Variants in GLIS3 observed in about 807,000 individuals in gnomAD.
GLIS3 encodes GLIS family zinc finger 3.
Under a neutral mutation model 78.6 loss-of-function variants are expected in GLIS3, and 53 were observed. The observed-to-expected ratio is 0.67, with a 90% CI of 0.54 to 0.85. GLIS3 has a LOEUF of 0.85. Among genes scored for constraint, GLIS3 ranks in the 40% least tolerant of loss-of-function variants. GLIS3 has a pLI of 0.00. For synonymous variants in GLIS3, 684 were observed against 509.9 expected (o/e 1.34, Z -4.60); for missense variants, 1,703 against 1,231.1 (o/e 1.38, Z -5.74).
At chr9:4,346,467 A>G (rs1363127268) in intron 2 of GLIS3, among the ~76,000 whole-genome samples, 3 of 152,224 alleles carry the variant, frequency 2.0e-5, no homozygotes, top group Non-Finnish European at 4.4e-5. Context: ...TAGGAAGAAT[A>G]AAAAATACAT....
chr9:4,242,539 C>T (rs992109674), intron 2 of GLIS3, among the ~76,000 whole-genome samples: 1 of 152,152 alleles, frequency 6.6e-6, no homozygotes, highest in African/African-American at 2.4e-5. Context: ...ACTATGGAAC[C>T]ACCCTGGCTG....
intron 8 of GLIS3, among the ~76,000 whole-genome samples, chr9:3,859,636 C>G (rs1820042478): frequency 6.6e-6 from 1 of 152,106 alleles, no homozygotes; most frequent in African/African-American, 2.4e-5. Flanking sequence ...TGTCCAAGAG[C>G]CAGAAGAGAC....
intron 6 of GLIS3, chr9:3,901,308 T>C: frequency 6.4e-6 from 1 of 155,866 alleles, no homozygotes; most frequent in South Asian, 1.9e-4. Flanking sequence ...CCAAATTTTC[T>C]ACATTCAAAT....
At chr9:4,188,062 CCT>C (rs1452665527) in intron 2 of GLIS3, among the ~76,000 whole-genome samples, 1 of 151,962 alleles carries the variant, frequency 6.6e-6, no homozygotes, top group African/African-American at 2.4e-5. Flanking sequence ...AGAGGGCATC[CCT>C]GTCTTGTGCC....
intron 4 of GLIS3, among the ~76,000 whole-genome samples, chr9:3,967,518 A>G (rs1187213546): frequency 6.6e-6 from 1 of 152,144 alleles, no homozygotes; most frequent in East Asian, 1.9e-4. Context: ...AAAGAAAAAG[A>G]AAGAAAAGAA....
chr9:4,113,924 C>T (rs1381069704), intron 4 of GLIS3, among the ~76,000 whole-genome samples: 1 of 152,182 alleles, frequency 6.6e-6, no homozygotes, highest in African/African-American at 2.4e-5. Flanking sequence ...GTGACATTTT[C>T]ATGAAAATCC....
chr9:4,144,234 G>C (rs1834034452), intron 2 of GLIS3, among the ~76,000 whole-genome samples: 1 of 152,220 alleles, frequency 6.6e-6, no homozygotes, highest in African/African-American at 2.4e-5. Flanking sequence ...GAGTCCGAAA[G>C]AGATCTGAAA....
At chr9:4,181,264 C>T (rs1817300192) in intron 2 of GLIS3, among the ~76,000 whole-genome samples, 1 of 152,256 alleles carries the variant, frequency 6.6e-6, no homozygotes, top group Non-Finnish European at 1.5e-5. Context: ...CCATGGACAG[C>T]ACTCGCCTCA....
At chr9:4,183,533 T>C (rs1340642182) in intron 2 of GLIS3, among the ~76,000 whole-genome samples, 3 of 152,202 alleles carry the variant, frequency 2.0e-5, no homozygotes, top group Non-Finnish European at 2.9e-5. Context: ...ATGAATTTTT[T>C]TCTGAGCCCT....
chr9:4,358,732 G>A, the GLIS3 span, among the ~76,000 whole-genome samples: 1 of 152,194 alleles, frequency 6.6e-6, no homozygotes, highest in Non-Finnish European at 1.5e-5. Flanking sequence ...GTGCACATAT[G>A]TGTTTATGTG....
chr9:3,846,388 T>G (rs551033843), intron 9 of GLIS3, among the ~76,000 whole-genome samples: 1 of 152,312 alleles, frequency 6.6e-6, no homozygotes, highest in East Asian at 1.9e-4. Context: ...TTGTCTCACC[T>G]GGGAGGTTGC....
intron 9 of GLIS3, among the ~76,000 whole-genome samples, chr9:3,838,952 T>A (rs985101324): frequency 6.6e-5 from 10 of 152,190 alleles, no homozygotes; most frequent in Non-Finnish European, 1.2e-4. Flanking sequence ...CTAGAGGGCA[T>A]AAGAATATAG....
intron 4 of GLIS3, among the ~76,000 whole-genome samples, chr9:4,064,157 G>A (rs989864664): frequency 5.3e-5 from 8 of 152,112 alleles, no homozygotes; most frequent in Admixed American, 1.3e-4. Flanking sequence ...ATGATAGACC[G>A]TATTTAATTA....
At chr9:4,189,479 T>C (rs964010503) in intron 2 of GLIS3, among the ~76,000 whole-genome samples, 5 of 152,148 alleles carry the variant, frequency 3.3e-5, no homozygotes, top group Admixed American at 1.3e-4. Flanking sequence ...TGTTGATTTG[T>C]GGTGCAGAGT....
chr9:4,414,335 C>T, the GLIS3 span, among the ~76,000 whole-genome samples: 1 of 152,194 alleles, frequency 6.6e-6, no homozygotes, highest in African/African-American at 2.4e-5. Flanking sequence ...TTAAGCACTT[C>T]AGAGAAACCG....
At chr9:4,374,471 G>C in the GLIS3 span, among the ~76,000 whole-genome samples, 4 of 152,214 alleles carry the variant, frequency 2.6e-5, no homozygotes, top group African/African-American at 9.6e-5. Context: ...TTATTGGCCA[G>C]TCTCTAAAAG....
rs188825328 is a variant in GLIS3, at chr9:4,122,722, C to G, written c.596+3012G>C. Among the ~76,000 whole-genome samples, 237 of 152,274 alleles carry G rather than the reference C, an allele frequency of 1.6e-3. 2 individuals are homozygous for G. Among genetic ancestry groups the G allele is most frequent in the African/African-American group, 5.2e-3 (215 of 41,556 alleles). On this transcript the variant is annotated intron_variant, in intron 3 of 10. Coordinates refer to ENST00000381971, the MANE Select transcript of GLIS3 (RefSeq NM_001042413.2). ...ACACTAGAAAAGCTAAGTATGCTAC[C>G]AAAGCCATGCAGGTGGCATCTGAGT...
chr9:4,077,016 G>C (rs927452561), intron 4 of GLIS3, among the ~76,000 whole-genome samples: 1 of 152,198 alleles, frequency 6.6e-6, no homozygotes, highest in Non-Finnish European at 1.5e-5. Flanking sequence ...CTGAGCTCAA[G>C]CCTCTGCACT....
At chr9:4,483,999 C>CTT in the GLIS3 span, among the ~76,000 whole-genome samples, 1 of 152,154 alleles carries the variant, frequency 6.6e-6, no homozygotes, top group Non-Finnish European at 1.5e-5. Flanking sequence ...CTTAGAAGAG[C>CTT]GCCTGGTATA....
Sources: gnomAD v4.1 joint callset for allele counts (sites outside exome capture counted in the v4.1 genomes callset) on GRCh38, gnomAD v4.1.1 for gene constraint, MANE v1.5 for transcripts, NCBI Gene and HGNC (gene_info 2026-07-23, HGNC 2026-07-21) for gene names.